Variants in ADGRG7 observed in about 807,000 individuals in gnomAD.
The protein encoded by ADGRG7 is adhesion G protein-coupled receptor G7, also known as G-protein coupled receptor 128.
ADGRG7 carries 82 observed loss-of-function variants against 88.6 expected under a neutral mutation model. That is an observed-to-expected ratio of 0.93 (90% CI 0.77 to 1.11). The LOEUF is 1.11. ADGRG7 is among the 50% of genes most tolerant of loss of function. The pLI is 0.00. For missense variants in ADGRG7, 945 were observed against 953.4 expected, an observed-to-expected ratio of 0.99 and a Z score of 0.12; for synonymous variants, 381 against 345.2, an observed-to-expected ratio of 1.10 and a Z score of -1.15.
chr3:100,683,830 T>A (rs957299998), intron 15 of ADGRG7, among the ~76,000 whole-genome samples: 1 of 152,228 alleles, frequency 6.6e-6, no homozygotes, highest in Admixed American at 6.5e-5. Flanking sequence ...CTCAAATTAT[T>A]TTTTTATAAA....
chr3:100,673,029 T>C (rs1436827306), intron 15 of ADGRG7, among the ~76,000 whole-genome samples: 1 of 152,062 alleles, frequency 6.6e-6, no homozygotes, highest in African/African-American at 2.4e-5. Flanking sequence ...TTTGTGTGTG[T>C]GTGTGTCTCT....
intron 15 of ADGRG7, among the ~76,000 whole-genome samples, chr3:100,688,822 G>A (rs2094987890): frequency 6.6e-6 from 1 of 152,194 alleles, no homozygotes; most frequent in African/African-American, 2.4e-5. Flanking sequence ...TGGAATAGGT[G>A]TGGTGTGGTG....
intron 15 of ADGRG7, among the ~76,000 whole-genome samples, chr3:100,672,458 T>G (rs977393998): frequency 6.6e-6 from 1 of 152,246 alleles, no homozygotes; most frequent in Non-Finnish European, 1.5e-5. Flanking sequence ...GATTTTGGGC[T>G]GAGACGATGG....
intron 5 of ADGRG7, among the ~76,000 whole-genome samples, chr3:100,636,795 G>A (rs1707550521): frequency 6.6e-6 from 1 of 152,174 alleles, no homozygotes; most frequent in East Asian, 1.9e-4. Context: ...CTCCCAAAGA[G>A]GGAAGATAAA....
At chr3:100,682,028 C>T (rs1289095863) in intron 15 of ADGRG7, among the ~76,000 whole-genome samples, 1 of 152,220 alleles carries the variant, frequency 6.6e-6, no homozygotes, top group Non-Finnish European at 1.5e-5. Flanking sequence ...CCTAATGATG[C>T]CAGCGGCAGC....
chr3:100,634,805 T>C (rs1707508795), intron 4 of ADGRG7, among the ~76,000 whole-genome samples: 1 of 152,224 alleles, frequency 6.6e-6, no homozygotes, highest in Non-Finnish European at 1.5e-5. Context: ...CACAAAGTTG[T>C]TTTGCTTATT....
At chr3:100,659,143 C>T (rs894399611) in intron 13 of ADGRG7, among the ~76,000 whole-genome samples, 1 of 152,018 alleles carries the variant, frequency 6.6e-6, no homozygotes, top group African/African-American at 2.4e-5. Flanking sequence ...TTAAAAAATG[C>T]CCATCAAGGC....
At chr3:100,668,345 G>A (rs548139772) in intron 14 of ADGRG7, among the ~76,000 whole-genome samples, 14 of 152,292 alleles carry the variant, frequency 9.2e-5, no homozygotes, top group African/African-American at 3.1e-4. Flanking sequence ...TCTCTCATCT[G>A]CCATTAAACC....
intron 1 of ADGRG7, among the ~76,000 whole-genome samples, chr3:100,611,550 G>A (rs1019251166): frequency 7.2e-5 from 11 of 152,006 alleles, no homozygotes; most frequent in African/African-American, 2.2e-4. Flanking sequence ...ATATATTCCC[G>A]AACTTTCTGA....
At chr3:100,694,048 C>T (rs1383141588) in intron 15 of ADGRG7, among the ~76,000 whole-genome samples, 1 of 152,158 alleles carries the variant, frequency 6.6e-6, no homozygotes. Context: ...GGACAAACTA[C>T]TTAGTTTATC....
Position 100,653,577 on chromosome 3 carries a change from A to T in ADGRG7, c.1380-1258A>T, listed in dbSNP as rs190973779. On this transcript the variant is annotated intron_variant, in intron 11 of 15. Coordinates refer to ENST00000273352, the MANE Select transcript of ADGRG7 (RefSeq NM_032787.3). Reference sequence around the variant, plus strand: ...AGAACTTATTACCTCATGTTATATTAAAAAAACTGCCCCAAAACTCAGTGG... The same window carrying T: ...AGAACTTATTACCTCATGTTATATTTAAAAAACTGCCCCAAAACTCAGTGG... Among the ~76,000 whole-genome samples the T allele has an allele frequency of 3.5e-3, 532 of 152,282 alleles. 5 individuals are homozygous for T. The highest frequency in any genetic ancestry group is 5.2e-3 in the Non-Finnish European group (351 of 68,024).
chr3:100,646,789 G>A, intron 10 of ADGRG7, 65 bp downstream of exon 10: 1 of 1,271,216 alleles, frequency 7.9e-7, no homozygotes, highest in African/African-American at 1.5e-5. Flanking sequence ...TCTAGTAGGT[G>A]CTCCTTGGAG....
intron 15 of ADGRG7, among the ~76,000 whole-genome samples, chr3:100,685,638 C>A (rs1303090399): frequency 6.6e-6 from 1 of 152,004 alleles, no homozygotes; most frequent in Non-Finnish European, 1.5e-5. Context: ...GGTTTTTTGT[C>A]CTTGCGATAG....
intron 6 of ADGRG7, among the ~76,000 whole-genome samples, chr3:100,641,463 A>G (rs189572118): frequency 3.9e-5 from 6 of 152,362 alleles, no homozygotes; most frequent in Admixed American, 2.6e-4. Flanking sequence ...AGTTAGGTAC[A>G]GGACAAAAAA....
intron 10 of ADGRG7, among the ~76,000 whole-genome samples, chr3:100,648,339 T>A (rs1348611940): frequency 3.9e-5 from 1 of 25,398 alleles, no homozygotes; most frequent in African/African-American, 4.3e-5. Flanking sequence ...CGGCTCTGAG[T>A]GAAAAATATT....
chr3:100,614,785 AT>A, intron 1 of ADGRG7, among the ~76,000 whole-genome samples: 1 of 152,142 alleles, frequency 6.6e-6, no homozygotes, highest in African/African-American at 2.4e-5. Context: ...AATATTTTTT[AT>A]TTGGAATCTT....
chr3:100,671,402 T>C (rs2094958296), intron 15 of ADGRG7, among the ~76,000 whole-genome samples: 1 of 152,206 alleles, frequency 6.6e-6, no homozygotes, highest in Non-Finnish European at 1.5e-5. Flanking sequence ...TAGCGCTGTT[T>C]GTTTTATTCT....
At chr3:100,682,727 AC>A (rs760031600) in intron 15 of ADGRG7, among the ~76,000 whole-genome samples, 1 of 151,926 alleles carries the variant, frequency 6.6e-6, no homozygotes, top group Non-Finnish European at 1.5e-5. Flanking sequence ...TGAAGCTCCC[AC>A]TCCAGGCTGT....
At chr3:100,617,925 G>A (rs1410195285) in intron 1 of ADGRG7, among the ~76,000 whole-genome samples, 2 of 152,126 alleles carry the variant, frequency 1.3e-5, no homozygotes, top group Non-Finnish European at 2.9e-5. Context: ...TGTGAGAATG[G>A]TATCTCATTG....
Sources: gnomAD v4.1 joint callset for allele counts (sites outside exome capture counted in the v4.1 genomes callset) on GRCh38, gnomAD v4.1.1 for gene constraint, MANE v1.5 for transcripts, NCBI Gene and HGNC (gene_info 2026-07-23, HGNC 2026-07-21) for gene names.